Variants in ELK3 observed in about 807,000 individuals in gnomAD.
ELK3 encodes ETS transcription factor ELK3, also known as ETS domain-containing protein Elk-3.
ELK3 carries 10 observed loss-of-function variants against 28.9 expected under a neutral mutation model. The ratio of observed to expected loss-of-function variants is 0.35; its 90% confidence interval spans 0.21 to 0.59. The LOEUF is 0.59. Among genes scored for constraint, ELK3 ranks in the 20% least tolerant of loss-of-function variants. The pLI, the probability that ELK3 is intolerant of heterozygous loss-of-function variation, is 0.82. For missense variants in ELK3, 463 were observed against 517.3 expected (o/e 0.90, Z 1.02); for synonymous variants, 272 against 243.5 (o/e 1.12, Z -1.09).
At chr12:96,255,673 A>G (rs1486175170) in intron 3 of ELK3, 1 of 152,250 alleles carries the variant, frequency 6.6e-6, no homozygotes, top group African/African-American at 2.4e-5. Context: ...GGAGGTCCTG[A>G]GAACATGTGC....
At chr12:96,241,426 T>TTGTGTG (rs57658963) in intron 2 of ELK3, among the ~76,000 whole-genome samples, 8,849 of 146,380 alleles carry the variant, frequency 0.06, 311 homozygotes, top group East Asian at 0.15. Context: ...AGTGGAGCGT[T>TTGTGTG]TGTGTGTGTG....
intron 1 of ELK3, among the ~76,000 whole-genome samples, chr12:96,202,567 C>A (rs59452532): frequency 0.014 from 1,970 of 136,280 alleles, 46 homozygotes; most frequent in African/African-American, 0.054. Context: ...TAGCCTGTTG[C>A]CCAGGCTGGA....
chr12:96,248,019 G>T (rs1323197601), intron 3 of ELK3, among the ~76,000 whole-genome samples: 1 of 152,172 alleles, frequency 6.6e-6, no homozygotes, highest in Non-Finnish European at 1.5e-5. Context: ...CGACAAAGCA[G>T]ATCTCACCAG....
At chr12:96,201,645 G>A (rs1021705774) in intron 1 of ELK3, among the ~76,000 whole-genome samples, 5 of 151,600 alleles carry the variant, frequency 3.3e-5, no homozygotes, top group Admixed American at 1.3e-4. Flanking sequence ...CTTTCAAGTC[G>A]GAAGCCCTAT....
At chr12:96,236,045 C>T (rs897348885) in intron 2 of ELK3, among the ~76,000 whole-genome samples, 2 of 152,068 alleles carry the variant, frequency 1.3e-5, no homozygotes, top group East Asian at 3.9e-4. Context: ...AGGCTGGTCT[C>T]GAACTTCTGA....
chr12:96,204,238 A>C (rs1951525794), intron 1 of ELK3, among the ~76,000 whole-genome samples: 1 of 152,162 alleles, frequency 6.6e-6, no homozygotes, highest in Non-Finnish European at 1.5e-5. Flanking sequence ...ACTTCAGTTG[A>C]TCAGGTTTTC....
At chr12:96,228,395 C>T (rs544403861) in intron 2 of ELK3, among the ~76,000 whole-genome samples, 4 of 118,246 alleles carry the variant, frequency 3.4e-5, no homozygotes, top group African/African-American at 9.9e-5. Context: ...TCCAGCCTGG[C>T]GACAGAGTGA....
In ELK3 at chr12:96,223,583, C is replaced by T. The variant is rs1295166133; in HGVS notation, c.17C>T (p.Thr6Met). 2 of 1,614,120 alleles carry T rather than the reference C, an allele frequency of 1.2e-6. No homozygotes were observed. The highest frequency in any genetic ancestry group is 1.7e-6 in the Non-Finnish European group (2 of 1,180,002). MESAI[T>M]LWQFLLQLLL... Reference sequence around the variant, plus strand: ...CCTGCAGGTATGGAGAGTGCAATCACGCTGTGGCAGTTCCTGTTGCAGTTG... The same window carrying T: ...CCTGCAGGTATGGAGAGTGCAATCATGCTGTGGCAGTTCCTGTTGCAGTTG... Residue 6 changes from threonine (T) to methionine (M), a missense_variant, in exon 2 of 5, where the codon ACG (threonine) becomes ATG (methionine). By Grantham distance (81) the Thr-to-Met change is moderately conservative (BLOSUM62 -1). Transcript: ENST00000228741.
At chr12:96,196,502 T>C (rs1305464234) in intron 1 of ELK3, among the ~76,000 whole-genome samples, 1 of 152,078 alleles carries the variant, frequency 6.6e-6, no homozygotes, top group African/African-American at 2.4e-5. Flanking sequence ...CCCTCTGATC[T>C]CTTTTTCTTT....
At chr12:96,248,291 C>T (rs1330431542) in intron 3 of ELK3, among the ~76,000 whole-genome samples, 1 of 152,230 alleles carries the variant, frequency 6.6e-6, no homozygotes. Context: ...AAGCCCCAGT[C>T]CACAGCACTG....
rs1952059292 is a variant in ELK3 at position 96,268,509 on chromosome 12, C to G, written c.*1329C>G. On this transcript the variant is annotated 3_prime_UTR_variant, in exon 5 of 5. Coordinates refer to ENST00000228741, the MANE Select transcript of ELK3 (RefSeq NM_005230.4). ...ATTTTCTGTTCCATCAGAAAATCAG[C>G]AGGCACCAGTCCAAAGGTACCACAC... 1.3e-5 allele frequency: 2 copies of G among 152,130 alleles called. No homozygotes were observed. The highest frequency in any genetic ancestry group is 2.9e-5 in the Non-Finnish European group (2 of 68,020). The allele number at this position is 152,130 out of a possible 1,614,324, so 9.4% of individuals were successfully genotyped here.
At chr12:96,203,158 G>A (rs1255631776) in intron 1 of ELK3, among the ~76,000 whole-genome samples, 6 of 151,980 alleles carry the variant, frequency 3.9e-5, no homozygotes, top group African/African-American at 1.4e-4. Flanking sequence ...TGGGATTACA[G>A]GCATGAGCCA....
intron 2 of ELK3, 58 bp from the exon 3 acceptor site, chr12:96,246,882 C>T: frequency 2.0e-6 from 3 of 1,503,598 alleles, no homozygotes; most frequent in Non-Finnish European, 1.8e-6. Flanking sequence ...TTATCATGAG[C>T]TCTTACATGG....
chr12:96,228,504 G>A (rs912130379), intron 2 of ELK3, among the ~76,000 whole-genome samples: 2 of 151,300 alleles, frequency 1.3e-5, no homozygotes, highest in African/African-American at 4.9e-5. Flanking sequence ...GGGAAACGCC[G>A]GATCTGAGTA....
chr12:96,248,122 G>C (rs1285807717), intron 3 of ELK3, among the ~76,000 whole-genome samples: 1 of 152,200 alleles, frequency 6.6e-6, no homozygotes, highest in East Asian at 1.9e-4. Context: ...CTCTGGGGGC[G>C]CTTAATAAGG....
At chr12:96,218,658 T>C (rs889268722) in intron 1 of ELK3, among the ~76,000 whole-genome samples, 1 of 151,138 alleles carries the variant, frequency 6.6e-6, no homozygotes, top group Non-Finnish European at 1.5e-5. Context: ...ATTTTTTTTT[T>C]TTTTTTTTGA....
At chr12:96,194,831 G>T (rs1246147814) in intron 1 of ELK3, 126 bp downstream of exon 1, 4 of 141,918 alleles carry the variant, frequency 2.8e-5, no homozygotes, top group Non-Finnish European at 6.2e-5. Context: ...GGTGGGCTGC[G>T]GGCCGGGGTG....
intron 2 of ELK3, among the ~76,000 whole-genome samples, chr12:96,231,818 C>T (rs1951743919): frequency 6.6e-6 from 1 of 152,186 alleles, no homozygotes; most frequent in Admixed American, 6.5e-5. Context: ...CTCCAGTTGA[C>T]ACGGCCTCTT....
chr12:96,198,387 G>T (rs756382919), intron 1 of ELK3, among the ~76,000 whole-genome samples: 1 of 152,164 alleles, frequency 6.6e-6, no homozygotes, highest in Non-Finnish European at 1.5e-5. Context: ...AAAGAAATGG[G>T]CTGTCTGTCC....
Sources: gnomAD v4.1 joint callset for allele counts (sites outside exome capture counted in the v4.1 genomes callset) on GRCh38, gnomAD v4.1.1 for gene constraint, MANE v1.5 for transcripts, NCBI Gene and HGNC (gene_info 2026-07-23, HGNC 2026-07-21) for gene names.